The following KIF26B variants were observed in gnomAD, a reference collection of about 807,000 sequenced individuals.
The protein encoded by KIF26B is kinesin-like protein KIF26B.
Under a neutral mutation model 151.2 loss-of-function variants are expected in KIF26B, and 63 were observed. That is an observed-to-expected ratio of 0.42 (90% CI 0.34 to 0.51). KIF26B has a LOEUF of 0.51. Ranked by LOEUF, KIF26B falls within the 20% of genes least tolerant of loss-of-function variation. The pLI is 0.07. For missense variants in KIF26B, 2,813 were observed against 2,913.6 expected, an observed-to-expected ratio of 0.97 and a Z score of 0.79; for synonymous variants, 1,357 against 1,262.1, an observed-to-expected ratio of 1.08 and a Z score of -1.59.
At chr1:245,380,497 G>T (rs992559486) in intron 3 of KIF26B, among the ~76,000 whole-genome samples, 5 of 152,178 alleles carry the variant, frequency 3.3e-5, no homozygotes, top group African/African-American at 1.2e-4. Flanking sequence ...CCACCTGCTT[G>T]TTCATGACGT....
Position 245,335,470 on chromosome 1 carries a change from G to A in KIF26B, c.466-31364G>A, listed in dbSNP as rs145509198. 1.1e-3 allele frequency among the ~76,000 whole-genome samples: 164 copies of A among 143,954 alleles called. 1 individual carries two copies. Among genetic ancestry groups the A allele is most frequent in the Non-Finnish European group, 2.8e-4 (19 of 67,584 alleles). 94.4% of individuals were successfully genotyped at this position (143,954 alleles called of 152,430 possible). On this transcript the variant is annotated intron_variant, in intron 2 of 14. Transcript: ENST00000407071. Reference sequence around the variant, plus strand: ...GCATCATCTGAATGAGGTAGAATCTGGAGGAGTCTGGACTGTGAGGGAGGA... The same window carrying A: ...GCATCATCTGAATGAGGTAGAATCTAGAGGAGTCTGGACTGTGAGGGAGGA...
intron 4 of KIF26B, among the ~76,000 whole-genome samples, chr1:245,466,851 A>C (rs975143292): frequency 6.6e-6 from 1 of 152,186 alleles, no homozygotes; most frequent in Non-Finnish European, 1.5e-5. Context: ...GCTTGAACCC[A>C]GGGGACAGAG....
chr1:245,525,585 A>T (rs1661221125), intron 4 of KIF26B, among the ~76,000 whole-genome samples: 1 of 152,238 alleles, frequency 6.6e-6, no homozygotes, highest in South Asian at 2.1e-4. Flanking sequence ...CTGTTGTGTA[A>T]ACGTGGGAAT....
At chr1:245,553,207 TGGACC>T (rs770491129) in intron 5 of KIF26B, among the ~76,000 whole-genome samples, 10 of 152,248 alleles carry the variant, frequency 6.6e-5, no homozygotes, top group Non-Finnish European at 1.5e-4. Context: ...TGGAGGAAGC[TGGACC>T]GGATCTAAGG....
chr1:245,361,862 G>A (rs1336447801), intron 2 of KIF26B, among the ~76,000 whole-genome samples: 1 of 152,000 alleles, frequency 6.6e-6, no homozygotes, highest in Non-Finnish European at 1.5e-5. Context: ...GAGCCGCTTG[G>A]GGACTTTAGT....
chr1:245,699,455 C>T (rs894875013), intron 14 of KIF26B, among the ~76,000 whole-genome samples: 3 of 148,986 alleles, frequency 2.0e-5, no homozygotes, highest in Admixed American at 6.7e-5. Context: ...CGAAAAGCCA[C>T]GCAGAGAACC....
At chr1:245,364,422 C>CTTTTT (rs763619030) in intron 2 of KIF26B, among the ~76,000 whole-genome samples, 7 of 98,910 alleles carry the variant, frequency 7.1e-5, no homozygotes, top group Admixed American at 1.1e-4. Flanking sequence ...CTCTCTCTCT[C>CTTTTT]TTTTTTTTTT....
At chr1:245,418,192 G>C (rs1417496192) in intron 3 of KIF26B, among the ~76,000 whole-genome samples, 1 of 152,270 alleles carries the variant, frequency 6.6e-6, no homozygotes, top group Admixed American at 6.5e-5. Flanking sequence ...ACGGGAGCCC[G>C]CACCACACAG....
At chr1:245,306,257 T>A (rs563855468) in intron 2 of KIF26B, among the ~76,000 whole-genome samples, 1 of 152,186 alleles carries the variant, frequency 6.6e-6, no homozygotes, top group African/African-American at 2.4e-5. Context: ...TGAAATATTA[T>A]GGTAAGTGAA....
At chr1:245,700,996 C>T (rs1370239840) in intron 14 of KIF26B, among the ~76,000 whole-genome samples, 1 of 152,072 alleles carries the variant, frequency 6.6e-6, no homozygotes, top group Non-Finnish European at 1.5e-5. Flanking sequence ...CTGTTTATGC[C>T]CAAGGCAGAC....
intron 4 of KIF26B, among the ~76,000 whole-genome samples, chr1:245,445,692 G>T (rs1379021939): frequency 6.6e-6 from 1 of 152,208 alleles, no homozygotes; most frequent in Non-Finnish European, 1.5e-5. Flanking sequence ...TAAATGCCCA[G>T]CTACGCTGGT....
At position 245,473,402 on chromosome 1, in the gene KIF26B, G is replaced by T. The variant is rs1371809592; in HGVS notation, c.1166+53657G>T. Among the ~76,000 whole-genome samples the T allele has an allele frequency of 2.6e-5, 4 of 152,222 alleles. No homozygotes were observed. In the East Asian group the frequency reaches 7.7e-4, roughly 29 times the overall value. On this transcript the variant is annotated intron_variant, in intron 4 of 14. Coordinates refer to ENST00000407071, the MANE Select transcript of KIF26B (RefSeq NM_018012.4). ...TTAGACATTAAGGTTTACAACCGATGCCTGTCATTGCCATTTGAATGTGTT... is the reference window on the plus strand; with the variant it reads ...TTAGACATTAAGGTTTACAACCGATTCCTGTCATTGCCATTTGAATGTGTT...
At chr1:245,548,247 G>A (rs540170178) in intron 5 of KIF26B, among the ~76,000 whole-genome samples, 6 of 152,104 alleles carry the variant, frequency 3.9e-5, no homozygotes, top group African/African-American at 1.4e-4. Context: ...TTCAGTGCCA[G>A]CTCAGTGCTA....
At chr1:245,468,994 T>G (rs1659850424) in intron 4 of KIF26B, among the ~76,000 whole-genome samples, 1 of 152,244 alleles carries the variant, frequency 6.6e-6, no homozygotes, top group East Asian at 1.9e-4. Flanking sequence ...CAATATATAT[T>G]CATGTATATG....
chr1:245,628,434 T>A, intron 9 of KIF26B, among the ~76,000 whole-genome samples: 1 of 152,214 alleles, frequency 6.6e-6, no homozygotes, highest in East Asian at 1.9e-4. Context: ...TTAGCCAAGA[T>A]GAAGTCAGCT....
intron 4 of KIF26B, among the ~76,000 whole-genome samples, chr1:245,494,553 C>G (rs910077477): frequency 6.6e-6 from 1 of 152,016 alleles, no homozygotes; most frequent in Non-Finnish European, 1.5e-5. Context: ...CTCTACCTTT[C>G]TCATAAGTTG....
rs77208206 is a variant in KIF26B at position 245,325,755 on chromosome 1, G to A, written c.466-41079G>A. On this transcript the variant is annotated intron_variant, in intron 2 of 14. Coordinates refer to ENST00000407071, the MANE Select transcript of KIF26B (RefSeq NM_018012.4). The stretch of plus-strand genomic sequence containing the variant: ...AAGAATCCATTTCATCCAGCCTTCT[G>A]ATTCTAGGAATAGGAACGTCAATTC... 7.5e-3 allele frequency among the ~76,000 whole-genome samples: 1,140 copies of A among 152,224 alleles called. 13 individuals carry two copies. Among genetic ancestry groups the A allele is most frequent in the African/African-American group, 0.024 (986 of 41,522 alleles).
chr1:245,171,314 C>T (rs570775998), intron 2 of KIF26B, among the ~76,000 whole-genome samples: 23 of 152,284 alleles, frequency 1.5e-4, no homozygotes, highest in East Asian at 3.9e-4. Context: ...GAGGCCAAGG[C>T]GGGCGGATCA....
Position 245,702,688 on chromosome 1 carries a change from G to A in KIF26B, c.*82G>A. The A allele has an allele frequency of 6.9e-6, 10 of 1,444,106 alleles. No homozygotes were observed. Among genetic ancestry groups the A allele is most frequent in the Non-Finnish European group, 9.3e-6 (10 of 1,071,178 alleles). 89.5% of individuals were successfully genotyped at this position (1,444,106 alleles called of 1,614,324 possible). A position where few individuals can be genotyped will look rare whatever the true frequency, so the allele number is the denominator to read the frequency against. ...CACGCCCCTAGGCCCTCTGTGCTGG[G>A]GCATCAAAGACAATGAATGAGGATG... On this transcript the variant is annotated 3_prime_UTR_variant, in exon 15 of 15. Transcript: ENST00000407071. The surrounding 1 kb of genome is among the most constrained non-coding windows in gnomAD (Gnocchi z 4.1).
Sources: gnomAD v4.1 joint callset for allele counts (sites outside exome capture counted in the v4.1 genomes callset) on GRCh38, gnomAD v4.1.1 for gene constraint, Gnocchi (gnomAD v3.1) non-coding constraint, MANE v1.5 for transcripts, NCBI Gene and HGNC (gene_info 2026-07-23, HGNC 2026-07-21) for gene names.